MINDY1: variants seen among roughly 807,000 people sequenced by gnomAD.
The protein encoded by MINDY1 is ubiquitin carboxyl-terminal hydrolase MINDY-1.
In MINDY1, 50 loss-of-function variants were observed where a neutral mutation model predicts 53.6. The ratio of observed to expected loss-of-function variants is 0.93; its 90% confidence interval spans 0.74 to 1.18. MINDY1 has a LOEUF of 1.18. Among genes scored for constraint, MINDY1 ranks in the 50% most tolerant of loss-of-function variants. The pLI, the probability that MINDY1 is intolerant of heterozygous loss-of-function variation, is 0.00. For missense variants in MINDY1, 484 were observed against 578.6 expected, an observed-to-expected ratio of 0.84 and a Z score of 1.68; for synonymous variants, 231 against 234.7, an observed-to-expected ratio of 0.98 and a Z score of 0.14.
In MINDY1 at chr1:151,005,960, C is replaced by T. The variant is rs1320312170; in HGVS notation, c.-90+352G>A. On this transcript the variant is annotated intron_variant, in intron 1 of 9. Transcript: ENST00000683666. ...AGGTATGTAGCTTCAAGAAGACACT[C>T]CTTCTCTGTAGGAACAGTTCCCTTA... 3 of 1,117,534 alleles carry T rather than the reference C, an allele frequency of 2.7e-6. No homozygotes were observed. The East Asian group carries it at 8.4e-5, about 31-fold the overall frequency. 69.2% of individuals were successfully genotyped at this position (1,117,534 alleles called of 1,614,324 possible).
chr1:150,998,913 G>A (rs1325025126), intron 7 of MINDY1, among the ~76,000 whole-genome samples: 1 of 152,148 alleles, frequency 6.6e-6, no homozygotes, highest in African/African-American at 2.4e-5. Flanking sequence ...GAGAGCTTTG[G>A]CAGTTTCTAA....
At chr1:150,997,425 T>C (rs760724246) in intron 9 of MINDY1, 58 bp from the exon 10 acceptor site, 1 of 1,559,120 alleles carries the variant, frequency 6.4e-7, no homozygotes, top group Non-Finnish European at 8.7e-7. Context: ...AAGAAGAGAT[T>C]CTAGAAGAAG....
At chr1:151,001,222 C>G (rs1249951360) in intron 4 of MINDY1, 28 bp downstream of exon 4, 2 of 1,612,660 alleles carry the variant, frequency 1.2e-6, no homozygotes, top group East Asian at 4.5e-5. Context: ...ACCTGCAAAC[C>G]CCTATGCCTG....
At chr1:151,007,467 G>A (rs1482324894), upstream of MINDY1, among the ~76,000 whole-genome samples, 3 of 152,146 alleles carry the variant, frequency 2.0e-5, no homozygotes, top group Non-Finnish European at 4.4e-5. Flanking sequence ...TCCTGCCACT[G>A]CACTCCAGCC....
In MINDY1 at chr1:151,002,438, G is replaced by T; in HGVS notation, c.180C>A (p.Ser60Arg). 6.2e-7 allele frequency: 1 copy of T among 1,614,194 alleles called. No individual in the cohort carries two copies. Among genetic ancestry groups the T allele is most frequent in the Non-Finnish European group, 8.5e-7 (1 of 1,180,040 alleles). ...GGGACTCAAGGTTGTCCCCACACTG[G>T]CTAGGCAGCAAAGCTTGGTCTGCTG... ...REPADQALLP[S>R]QCGDNLESPL... The change falls in exon 2 of 10, where the codon AGC becomes AGA. Residue 60 changes from serine to arginine, a missense_variant. Coordinates refer to ENST00000683666, the MANE Select transcript of MINDY1 (RefSeq NM_001376665.1). The surrounding 1 kb of genome is among the most constrained non-coding windows in gnomAD (Gnocchi z 4.1).
chr1:151,006,986 C>G (rs900159238), upstream of MINDY1: 30 of 738,008 alleles, frequency 4.1e-5, no homozygotes, highest in Admixed American at 1.9e-4. Flanking sequence ...TCTGGGCTCT[C>G]TCTCTGGGTA....
rs776143044 is a variant in MINDY1, at chr1:151,002,287, G to A, written c.331C>T (p.Pro111Ser). 14 of 1,614,086 alleles carry A rather than the reference G, an allele frequency of 8.7e-6. No homozygotes were observed. The highest frequency in any genetic ancestry group is 1.0e-5 in the Non-Finnish European group (12 of 1,180,052). Residue 111 changes from proline to serine, a missense_variant, in exon 2 of 10, where the codon CCA becomes TCA. Physicochemically the swap from Pro to Ser is moderately conservative, Grantham distance 74 (BLOSUM62 -1). Transcript: ENST00000683666. The surrounding 1 kb of genome is among the most constrained non-coding windows in gnomAD (Gnocchi z 4.1). ...ATCCACTTGACACAGTAGAAATCTG[G>A]CTCAGGCTGTCGGGTCCTGGGGGAC... is the stretch of plus-strand genomic sequence containing the variant. Reference protein sequence around the residue: ...PQSPRTRQPEPDFYCVKWIPW... With the variant: ...PQSPRTRQPESDFYCVKWIPW...
upstream of MINDY1, chr1:151,006,914 G>C (rs1366615216): frequency 1.0e-6 from 1 of 985,134 alleles, no homozygotes; most frequent in African/African-American, 1.7e-5. Context: ...GTGAGAATAG[G>C]GAAGAGCAAG....
chr1:151,001,395 T>A lies in MINDY1; in HGVS notation c.512-81A>T. On this transcript the variant is annotated intron_variant, in intron 3 of 9. Transcript: ENST00000683666. Reference sequence around the variant, plus strand: ...TTCCTCTTCTCCTGGAGAATGCGGGTAATGTCACAGAACACAGATTTTCAG... The same window carrying A: ...TTCCTCTTCTCCTGGAGAATGCGGGAAATGTCACAGAACACAGATTTTCAG... 2.1e-6 allele frequency: 3 copies of A among 1,448,670 alleles called. No homozygotes were observed. In the South Asian group the frequency reaches 3.5e-5, roughly 17 times the overall value. The allele number at this position is 1,448,670 out of a possible 1,614,324, so 89.7% of individuals were successfully genotyped here.
rs902127312 is a variant in MINDY1 at position 151,002,931 on chromosome 1, G to A, written c.-89-225C>T. On this transcript the variant is annotated intron_variant, in intron 1 of 9. Coordinates refer to ENST00000683666, the MANE Select transcript of MINDY1 (RefSeq NM_001376665.1). This position sits in a 1 kb window ranked among gnomAD's most constrained non-coding sequence, Gnocchi z 4.1. ...TGGGGCTTCCAGACTTGGGAGGGAA[G>A]ACTGGTGGGATTGAACACATGGGTG... 24 of 1,351,658 alleles carry A rather than the reference G, an allele frequency of 1.8e-5. No homozygotes were observed. In the African/African-American group the frequency reaches 3.2e-4, roughly 18 times the overall value. The allele number at this position is 1,351,658 out of a possible 1,614,324, so 83.7% of individuals were successfully genotyped here.
rs753647884 is a variant in MINDY1, at chr1:150,997,642, C to T, written c.1311G>A (p.Thr437=). The change falls in exon 9 of 10, where the codon ACG becomes ACA. Residue 437 remains threonine (T), a synonymous_variant. Transcript: ENST00000683666. ...QQAAQPVRMR[T]RVLSLQGRGA... ...AGCCCACCTGCAGTGACAGGACCCG[C>T]GTCCGCATCCGCACTGGCTGCGCTG... The T allele has an allele frequency of 5.6e-6, 9 of 1,610,016 alleles. No homozygotes were observed. Among genetic ancestry groups the T allele is most frequent in the South Asian group, 3.3e-5 (3 of 91,088 alleles).
At chr1:151,005,709 A>C (rs767814208) in intron 1 of MINDY1, among the ~76,000 whole-genome samples, 13 of 152,194 alleles carry the variant, frequency 8.5e-5, no homozygotes, top group Admixed American at 3.3e-4. Context: ...TACAACGTCC[A>C]ATCCTGCTGG....
chr1:151,008,310 T>G (rs1272527262), upstream of MINDY1: 3 of 1,295,982 alleles, frequency 2.3e-6, no homozygotes, highest in South Asian at 4.9e-5. Context: ...GCTAGGGACA[T>G]TGCGGAGTTG....
intron 5 of MINDY1, 117 bp downstream of exon 5, chr1:151,000,340 C>T: frequency 9.2e-7 from 1 of 1,091,034 alleles, no homozygotes; most frequent in South Asian, 1.6e-5. Context: ...TCTCTAAACA[C>T]TATTTCCCTC....
At position 150,997,503 on chromosome 1, in the gene MINDY1, G is replaced by A. The variant is rs781517420; in HGVS notation, c.1329+121C>T. Reference sequence around the variant, plus strand: ...AAGGGGCTCCAGGGGAGAGGGACAGGCAGGGGAAGGACTCTGAGAGAAGAA... The same window carrying A: ...AAGGGGCTCCAGGGGAGAGGGACAGACAGGGGAAGGACTCTGAGAGAAGAA... On this transcript the variant is annotated intron_variant, in intron 9 of 9. Coordinates refer to ENST00000683666, the MANE Select transcript of MINDY1 (RefSeq NM_001376665.1). The A allele has an allele frequency of 3.8e-6, 6 of 1,562,236 alleles. No homozygotes were observed. The East Asian group carries it at 1.4e-4, about 37-fold the overall frequency.
At chr1:151,007,741 C>T (rs1042817463), upstream of MINDY1, among the ~76,000 whole-genome samples, 6 of 152,150 alleles carry the variant, frequency 3.9e-5, no homozygotes, top group Admixed American at 3.9e-4. Flanking sequence ...TACTCTGCGG[C>T]TGGAAAGTGG....
At chr1:151,008,239 G>A, upstream of MINDY1, 1 of 1,159,700 alleles carries the variant, frequency 8.6e-7, no homozygotes, top group Non-Finnish European at 1.1e-6. Flanking sequence ...GGGTTACTGT[G>A]ACACATACAC....
intron 1 of MINDY1, among the ~76,000 whole-genome samples, chr1:151,005,943 A>G (rs1268630084): frequency 6.6e-6 from 1 of 152,222 alleles, no homozygotes; most frequent in East Asian, 1.9e-4. Context: ...ACAGGTATGT[A>G]GCTTCAAGAA....
Position 150,999,218 on chromosome 1 carries a change from G to T in MINDY1, c.981+151C>A. 1 of 1,097,552 alleles carries T rather than the reference G, an allele frequency of 9.1e-7. No homozygotes were observed. Among genetic ancestry groups the T allele is most frequent in the Non-Finnish European group, 1.3e-6 (1 of 751,444 alleles). The allele number at this position is 1,097,552 out of a possible 1,614,324, so 68.0% of individuals were successfully genotyped here. A position where few individuals can be genotyped will look rare whatever the true frequency, so the allele number is the denominator to read the frequency against. On this transcript the variant is annotated intron_variant, in intron 7 of 9. Coordinates refer to ENST00000683666, the MANE Select transcript of MINDY1 (RefSeq NM_001376665.1). The surrounding 1 kb of genome is among the most constrained non-coding windows in gnomAD (Gnocchi z 4.4). ...AGTCCACAGTGGACACGCACCAGGA[G>T]CGGGAAATGAACCTTTGTTGTGGTA...
Sources: gnomAD v4.1 joint callset for allele counts (sites outside exome capture counted in the v4.1 genomes callset) on GRCh38, gnomAD v4.1.1 for gene constraint, Gnocchi (gnomAD v3.1) non-coding constraint, MANE v1.5 for transcripts, NCBI Gene and HGNC (gene_info 2026-07-23, HGNC 2026-07-21) for gene names.